Variants in ADARB2 observed in about 807,000 individuals in gnomAD.
ADARB2 encodes the protein inactive double-stranded RNA-specific editase B2.
ADARB2 carries 25 observed loss-of-function variants against 62.2 expected under a neutral mutation model. The ratio of observed to expected loss-of-function variants is 0.40; its 90% confidence interval spans 0.29 to 0.56. The LOEUF (loss-of-function observed/expected upper bound fraction) is 0.56. ADARB2 is among the 20% of genes least tolerant of loss of function. ADARB2 has a pLI of 0.43. For synonymous variants in ADARB2, 572 were observed against 500.8 expected (o/e 1.14, Z -1.90); for missense variants, 1,071 against 1,077.4 (o/e 0.99, Z 0.08).
At chr10:1,225,019 T>G (rs943329657) in intron 6 of ADARB2, among the ~76,000 whole-genome samples, 1 of 152,152 alleles carries the variant, frequency 6.6e-6, no homozygotes, top group Non-Finnish European at 1.5e-5. Flanking sequence ...AGTGGGGTGT[T>G]AAAGTCTCCC....
chr10:1,707,963 T>C (rs1482457246), intron 1 of ADARB2, among the ~76,000 whole-genome samples: 1 of 152,224 alleles, frequency 6.6e-6, no homozygotes, highest in African/African-American at 2.4e-5. Context: ...TGAAAAATAC[T>C]GTATTCAGAG....
At chr10:1,544,021 A>ACC (rs370004551) in intron 1 of ADARB2, among the ~76,000 whole-genome samples, 1 of 71,854 alleles carries the variant, frequency 1.4e-5, no homozygotes. Context: ...AAACAAACAA[A>ACC]AAAAAAAACA....
chr10:1,353,714 T>C (rs965316619), intron 3 of ADARB2, among the ~76,000 whole-genome samples: 1 of 152,194 alleles, frequency 6.6e-6, no homozygotes, highest in Non-Finnish European at 1.5e-5. Context: ...ACCTTCTCGA[T>C]GTTCCTTTCC....
intron 8 of ADARB2, chr10:1,186,670 G>T (rs1836763880): frequency 2.2e-6 from 1 of 459,654 alleles, no homozygotes; most frequent in East Asian, 6.6e-5. Flanking sequence ...TGCATCACGT[G>T]AGATGGCGGT....
At chr10:1,611,737 G>C (rs866979465) in intron 1 of ADARB2, among the ~76,000 whole-genome samples, 1 of 152,196 alleles carries the variant, frequency 6.6e-6, no homozygotes, top group African/African-American at 2.4e-5. Context: ...CATTTCACAC[G>C]ACCTTAGCTC....
chr10:1,401,605 T>C (rs893888957), intron 1 of ADARB2, among the ~76,000 whole-genome samples: 1 of 152,166 alleles, frequency 6.6e-6, no homozygotes, highest in African/African-American at 2.4e-5. Flanking sequence ...CCGCGGTGCA[T>C]TTTAAACGGC....
At chr10:1,554,365 T>C (rs1196809188) in intron 1 of ADARB2, among the ~76,000 whole-genome samples, 1 of 152,186 alleles carries the variant, frequency 6.6e-6, no homozygotes, top group Non-Finnish European at 1.5e-5. Flanking sequence ...CAGAGAGTCA[T>C]TTTGTTCTCA....
intron 1 of ADARB2, among the ~76,000 whole-genome samples, chr10:1,427,153 C>T (rs1363449504): frequency 6.6e-6 from 1 of 152,194 alleles, no homozygotes; most frequent in Non-Finnish European, 1.5e-5. Flanking sequence ...GGACAGGTCA[C>T]CTTTTTAGAA....
chr10:1,327,269 T>G lies in ADARB2; in HGVS notation c.1077+35759A>C, dbSNP rs796530804. Among the ~76,000 whole-genome samples the G allele has an allele frequency of 1.8e-3, 122 of 66,934 alleles. 5 individuals are homozygous for G. The highest frequency in any genetic ancestry group is 5.6e-3 in the African/African-American group (94 of 16,760). 43.9% of individuals were successfully genotyped at this position (66,934 alleles called of 152,430 possible). A position where few individuals can be genotyped will look rare whatever the true frequency, so the allele number is the denominator to read the frequency against. Reference sequence around the variant, plus strand: ...TCCTCACTGCCCAGCGCCTCCTCACTGCACAGCGCCTCCTCACTGCCCAGC... The same window carrying G: ...TCCTCACTGCCCAGCGCCTCCTCACGGCACAGCGCCTCCTCACTGCCCAGC... On this transcript the variant is annotated intron_variant, in intron 3 of 9. Coordinates refer to ENST00000381312, the MANE Select transcript of ADARB2 (RefSeq NM_018702.4).
At chr10:1,608,975 G>GCAT (rs141457327) in intron 1 of ADARB2, among the ~76,000 whole-genome samples, 1,621 of 152,268 alleles carry the variant, frequency 0.011, 36 homozygotes, top group African/African-American at 0.037. Context: ...TTAAACCGTG[G>GCAT]CATCCTCTTG....
chr10:1,410,156 CTGTGGTCATGGTGCCGAGGCCTGGT>C (rs1832746793), intron 1 of ADARB2, among the ~76,000 whole-genome samples: 1 of 143,482 alleles, frequency 7.0e-6, no homozygotes, highest in Non-Finnish European at 1.5e-5. Context: ...CAAGGCCTGG[CTGTGGTCATGGTGCCGAGGCCTGGT>C]CGTGGTCATG....
chr10:1,287,289 A>G (rs1831422739), intron 3 of ADARB2, among the ~76,000 whole-genome samples: 2 of 152,242 alleles, frequency 1.3e-5, no homozygotes, highest in Non-Finnish European at 2.9e-5. Flanking sequence ...AATTGTATAT[A>G]TGTATTGGGT....
At chr10:1,514,973 GAAAGAGACAGTA>G (rs987038359) in intron 1 of ADARB2, among the ~76,000 whole-genome samples, 119 of 152,078 alleles carry the variant, frequency 7.8e-4, no homozygotes, top group Middle Eastern at 3.4e-3. Flanking sequence ...GAAAAGGGGC[GAAAGAGACAGTA>G]AAATGGAAAG....
intron 1 of ADARB2, among the ~76,000 whole-genome samples, chr10:1,720,360 A>G (rs374286314): frequency 6.6e-6 from 1 of 152,180 alleles, no homozygotes; most frequent in African/African-American, 2.4e-5. Context: ...AACAACACAC[A>G]CTGGGAACAC....
At chr10:1,454,694 T>C (rs566678255) in intron 1 of ADARB2, among the ~76,000 whole-genome samples, 1 of 152,142 alleles carries the variant, frequency 6.6e-6, no homozygotes, top group Non-Finnish European at 1.5e-5. Flanking sequence ...GCTTAATGTT[T>C]CGTGGAGACA....
intron 1 of ADARB2, among the ~76,000 whole-genome samples, chr10:1,721,817 C>G (rs891015652): frequency 5.9e-5 from 9 of 152,070 alleles, no homozygotes; most frequent in African/African-American, 2.2e-4. Flanking sequence ...GGTCAGTGCT[C>G]CTGGGGTCCA....
At chr10:1,486,809 G>A (rs983756150) in intron 1 of ADARB2, among the ~76,000 whole-genome samples, 21 of 152,184 alleles carry the variant, frequency 1.4e-4, no homozygotes, top group Non-Finnish European at 7.3e-5. Flanking sequence ...TTCAGGAGGA[G>A]CCAGAAATCT....
At chr10:1,666,558 T>C (rs970682845) in intron 1 of ADARB2, among the ~76,000 whole-genome samples, 1 of 152,248 alleles carries the variant, frequency 6.6e-6, no homozygotes, top group Non-Finnish European at 1.5e-5. Flanking sequence ...TCCCATGGTC[T>C]GCCGCATCTG....
Position 1,327,781 on chromosome 10 carries a change from C to T in ADARB2, c.1077+35247G>A, listed in dbSNP as rs556602945. Among the ~76,000 whole-genome samples, 4 of 79,912 alleles carry T rather than the reference C, an allele frequency of 5.0e-5. 1 individual carries two copies. The highest frequency in any genetic ancestry group is 1.8e-4 in the African/African-American group (4 of 22,420). 52.4% of individuals were successfully genotyped at this position (79,912 alleles called of 152,430 possible). A position where few individuals can be genotyped will look rare whatever the true frequency, so the allele number is the denominator to read the frequency against. On this transcript the variant is annotated intron_variant, in intron 3 of 9. Transcript: ENST00000381312. Reference sequence around the variant, plus strand: ...AGCGCCTCCTCACAGCTCAGCGCCTCCCCACAGCACAGCGCCTCCTCACAG... The same window carrying T: ...AGCGCCTCCTCACAGCTCAGCGCCTTCCCACAGCACAGCGCCTCCTCACAG...
Sources: allele counts gnomAD v4.1 joint callset (sites outside exome capture counted in the v4.1 genomes callset), GRCh38; gene constraint gnomAD v4.1.1; transcripts MANE v1.5; gene names NCBI Gene and HGNC (gene_info 2026-07-23, HGNC 2026-07-21).